The following SUGP2 variants were observed in gnomAD, a reference collection of about 807,000 sequenced individuals.
SUGP2 encodes the protein SURP and G-patch domain containing 2.
Under a neutral mutation model 90.5 loss-of-function variants are expected in SUGP2, and 24 were observed. That is an observed-to-expected ratio of 0.27 (90% CI 0.19 to 0.37). The LOEUF is 0.37. SUGP2 is among the 10% of genes least tolerant of loss of function. The probability of loss-of-function intolerance (pLI) is 1.00; values close to 1 mark genes in which losing one functional copy is unlikely to be tolerated. For synonymous variants in SUGP2, 473 were observed against 513.4 expected, an observed-to-expected ratio of 0.92 and a Z score of 1.06; for missense variants, 1,233 against 1,363.3, an observed-to-expected ratio of 0.90 and a Z score of 1.51.
chr19:19,026,072 T>C lies in SUGP2; in HGVS notation c.276A>G (p.Ser92=). 1 of 1,614,110 alleles carries C rather than the reference T, an allele frequency of 6.2e-7. No homozygotes were observed. The highest frequency in any genetic ancestry group is 1.1e-5 in the South Asian group (1 of 91,074). ...TGTCATCACTGATGGAAGGGTTGCT[T>C]GATCTGAAGGAAGGCCCTGGAAATA... The part of the protein sequence containing the change: ...SDVFPGPSFR[S]SNPSISDDSY... Residue 92 remains serine, a synonymous_variant, in exon 3 of 11, where the codon TCA becomes TCG. Coordinates refer to ENST00000452918, the MANE Select transcript of SUGP2 (RefSeq NM_001017392.5).
intron 8 of SUGP2, among the ~76,000 whole-genome samples, chr19:18,999,176 G>GAT (rs2057732708): frequency 6.6e-6 from 1 of 152,172 alleles, no homozygotes; most frequent in Non-Finnish European, 1.5e-5. Context: ...TCATGATGGT[G>GAT]GTTTCCTGGA....
rs1234432196 is a variant in SUGP2, at chr19:18,994,503, A to C, written c.3129-17T>G. On this transcript the variant is annotated splice_polypyrimidine_tract_variant and intron_variant, in intron 9 of 10. Transcript: ENST00000452918. Reference sequence around the variant, plus strand: ...GGGGTTCCCCTAGGGAGTGAAAAAGAGAGTCAGTTGTGCACCTGAGCCCAG... The same window carrying C: ...GGGGTTCCCCTAGGGAGTGAAAAAGCGAGTCAGTTGTGCACCTGAGCCCAG... The C allele has an allele frequency of 6.2e-7, 1 of 1,613,288 alleles. No homozygotes were observed. The highest frequency in any genetic ancestry group is 1.7e-5 in the Admixed American group (1 of 59,964).
At chr19:18,995,371 C>G in intron 8 of SUGP2, 91 bp from the exon 9 acceptor site, 2 of 1,410,952 alleles carry the variant, frequency 1.4e-6, no homozygotes, top group Non-Finnish European at 1.9e-6. Context: ...CCCCTCACCC[C>G]CAAATGCCCT....
At chr19:19,022,866 C>T (rs1052211799) in intron 3 of SUGP2, among the ~76,000 whole-genome samples, 4 of 152,092 alleles carry the variant, frequency 2.6e-5, no homozygotes, top group Admixed American at 1.3e-4. Context: ...AAGTCAGGAA[C>T]AAATGAGACT....
rs1645565285 is a variant in SUGP2 at position 19,024,820 on chromosome 19, A to G, written c.1528T>C (p.Ser510Pro). ...TCGAAGTTTGGAAACGCAGCAGGTG[A>G]GGGAGCTATATCTTGCAGGCCGACA... Reference protein sequence around the residue: ...EAVGLQDIAPSPAAFPNFEDS... With the variant: ...EAVGLQDIAPPPAAFPNFEDS... The change falls in exon 3 of 11, where the codon TCA becomes CCA. Residue 510 changes from serine to proline, a missense_variant. Coordinates refer to ENST00000452918, the MANE Select transcript of SUGP2 (RefSeq NM_001017392.5). The G allele has an allele frequency of 6.2e-7, 1 of 1,614,070 alleles. No homozygotes were observed. Among genetic ancestry groups the G allele is most frequent in the Admixed American group, 1.7e-5 (1 of 59,982 alleles).
At chr19:19,017,599 C>T (rs773024164) in intron 4 of SUGP2, among the ~76,000 whole-genome samples, 4 of 151,984 alleles carry the variant, frequency 2.6e-5, no homozygotes, top group Non-Finnish European at 4.4e-5. Context: ...TGGTAAAACC[C>T]CGTCTCTACT....
In SUGP2 at chr19:19,001,753, T is replaced by G. The variant is rs578088626; in HGVS notation, c.2930-79A>C. On this transcript the variant is annotated intron_variant, in intron 7 of 10. Transcript: ENST00000452918. The stretch of plus-strand genomic sequence containing the variant: ...CTTAGAGACTGAAGATCTTGCAGTC[T>G]ATTTTGGCTAACAGTTCTCTGATGA... 1.5e-5 allele frequency: 22 copies of G among 1,454,492 alleles called. 1 individual carries two copies. In the South Asian group the frequency reaches 2.4e-4, roughly 16 times the overall value. The allele number at this position is 1,454,492 out of a possible 1,614,324, so 90.1% of individuals were successfully genotyped here. A position where few individuals can be genotyped will look rare whatever the true frequency, so the allele number is the denominator to read the frequency against.
At chr19:19,020,997 T>TA (rs1358836628) in intron 3 of SUGP2, among the ~76,000 whole-genome samples, 2 of 151,678 alleles carry the variant, frequency 1.3e-5, no homozygotes, top group Non-Finnish European at 2.9e-5. Context: ...CCGTCTCTAC[T>TA]AAAAATATAA....
chr19:19,033,620 C>T, upstream of SUGP2: 6 of 1,161,862 alleles, frequency 5.2e-6, no homozygotes, highest in Non-Finnish European at 6.4e-6. Flanking sequence ...GGCTCTCTTG[C>T]GCAAGCGCGC....
chr19:18,999,666 C>T (rs545888545), intron 8 of SUGP2, among the ~76,000 whole-genome samples: 4 of 152,270 alleles, frequency 2.6e-5, no homozygotes, highest in Admixed American at 1.3e-4. Context: ...CTAGGTCACT[C>T]GGAAGGGGTT....
In SUGP2 at chr19:19,008,327, G is replaced by T; in HGVS notation, c.2440C>A (p.Pro814Thr). 2 of 1,613,880 alleles carry T rather than the reference G, an allele frequency of 1.2e-6. No individual in the cohort carries two copies. The highest frequency in any genetic ancestry group is 1.7e-6 in the Non-Finnish European group (2 of 1,179,766). ...CGGGGGGGTACGTACCACAGGTCAG[G>T]GTTATCGGTGCTGTTTTCTATGCTG... is the stretch of plus-strand genomic sequence containing the variant. ...QFSIENSTDN[P>T]DLWFLHDQNS... The change falls in exon 6 of 11, where the codon CCT becomes ACT. Residue 814 changes from proline (P) to threonine (T), a missense_variant. Physicochemically the swap from Pro to Thr is conservative, Grantham distance 38. Coordinates refer to ENST00000452918, the MANE Select transcript of SUGP2 (RefSeq NM_001017392.5).
intron 7 of SUGP2, 128 bp downstream of exon 7, chr19:19,004,040 G>T: frequency 1.4e-6 from 1 of 711,278 alleles, no homozygotes; most frequent in Non-Finnish European, 2.3e-6. Context: ...ATGAGTGTCG[G>T]CTCACATTTT....
rs2059133824 is a variant in SUGP2, at chr19:19,031,096, GA to G, written c.-11-15del. 6.2e-7 allele frequency: 1 copy of G among 1,602,096 alleles called. No homozygotes were observed. Among genetic ancestry groups the G allele is most frequent in the South Asian group, 1.1e-5 (1 of 88,966 alleles). On this transcript the variant is annotated splice_polypyrimidine_tract_variant and intron_variant, in intron 1 of 10. Coordinates refer to ENST00000452918, the MANE Select transcript of SUGP2 (RefSeq NM_001017392.5). ...TGTTATTTTGCCCTATGGTGAGAGA[GA>G]AAAAAATACACTAAGAGCAACAACT...
intron 8 of SUGP2, 67 bp downstream of exon 8, chr19:19,001,546 C>G: frequency 1.3e-6 from 2 of 1,486,820 alleles, no homozygotes; most frequent in African/African-American, 1.4e-5. Flanking sequence ...GCTGCAGCAT[C>G]CTTTGGAACT....
At chr19:18,995,605 T>C (rs2057542994) in intron 8 of SUGP2, among the ~76,000 whole-genome samples, 1 of 152,022 alleles carries the variant, frequency 6.6e-6, no homozygotes, top group African/African-American at 2.4e-5. Context: ...AGCGGAACCC[T>C]GGATAAAGAA....
chr19:19,027,379 A>G (rs2058976551), intron 2 of SUGP2, among the ~76,000 whole-genome samples: 1 of 152,254 alleles, frequency 6.6e-6, no homozygotes, highest in Non-Finnish European at 1.5e-5. Context: ...AAAGTCGTAT[A>G]TAAATCCTAG....
At chr19:19,032,061 G>A (rs1368878376) in intron 1 of SUGP2, among the ~76,000 whole-genome samples, 2 of 151,984 alleles carry the variant, frequency 1.3e-5, no homozygotes, top group Admixed American at 1.3e-4. Context: ...TCTGCTGGAG[G>A]AAGGTGTCAA....
intron 6 of SUGP2, among the ~76,000 whole-genome samples, chr19:19,005,062 C>T (rs1430249516): frequency 6.6e-6 from 1 of 152,188 alleles, no homozygotes; most frequent in African/African-American, 2.4e-5. Context: ...AGGAGCTGCA[C>T]AGTTACTGCT....
intron 3 of SUGP2, among the ~76,000 whole-genome samples, chr19:19,020,759 A>C (rs1253629454): frequency 1.3e-5 from 2 of 152,064 alleles, no homozygotes. Context: ...TTAAAGTGTG[A>C]ATGTCCTCCA....
Sources: allele counts gnomAD v4.1 joint callset (sites outside exome capture counted in the v4.1 genomes callset), GRCh38; gene constraint gnomAD v4.1.1; transcripts MANE v1.5; gene names NCBI Gene and HGNC (gene_info 2026-07-23, HGNC 2026-07-21).